Variants in WDR33 observed in about 807,000 individuals in gnomAD.
WDR33 encodes the protein pre-mRNA 3' end processing protein WDR33.
In WDR33, 47 loss-of-function variants were observed where a neutral mutation model predicts 164.9. The ratio of observed to expected loss-of-function variants is 0.29; its 90% CI spans 0.23 to 0.36. WDR33 has a LOEUF of 0.36. Ranked by LOEUF, WDR33 falls within the 10% of genes least tolerant of loss-of-function variation. The pLI is 1.00. For synonymous variants in WDR33, 505 were observed against 589.0 expected, an observed-to-expected ratio of 0.86 and a Z score of 2.06; for missense variants, 1,137 against 1,754.1, an observed-to-expected ratio of 0.65 and a Z score of 6.28.
intron 1 of WDR33, among the ~76,000 whole-genome samples, chr2:127,796,055 T>C (rs1355250979): frequency 6.7e-6 from 1 of 150,144 alleles, no homozygotes; most frequent in Non-Finnish European, 1.5e-5. Context: ...CAGGTATTAA[T>C]ATTAGGTGAT....
rs529395113 is a variant in WDR33 at position 127,720,566 on chromosome 2, T to C, written c.1672-213A>G. Among the ~76,000 whole-genome samples, 2 of 152,114 alleles carry C rather than the reference T, an allele frequency of 1.3e-5. No homozygotes were observed. Among genetic ancestry groups the C allele is most frequent in the South Asian group, 2.1e-4 (1 of 4,834 alleles). On this transcript the variant is annotated intron_variant, in intron 15 of 21. Coordinates refer to ENST00000322313, the MANE Select transcript of WDR33 (RefSeq NM_018383.5). The surrounding 1 kb of genome is among the most constrained non-coding windows in gnomAD (Gnocchi z 5.9). ...ATTCTTTTTAAGTCCTGGGACACAG[T>C]AGTAAGGATTTTTTTTTCCTTATTT...
In WDR33 at chr2:127,774,671, T is replaced by C. The variant is rs1038395802; in HGVS notation, c.-23-3667A>G. Among the ~76,000 whole-genome samples the C allele has an allele frequency of 1.7e-4, 26 of 151,838 alleles. No individual in the cohort carries two copies. In the Middle Eastern group the frequency reaches 0.014, roughly 79 times the overall value. ...GGTGAAACCCCGTCTCTACTAAAAA[T>C]ACAAAAAAATTAGCCAGGCGTGGTG... On this transcript the variant is annotated intron_variant, in intron 1 of 21. Coordinates refer to ENST00000322313, the MANE Select transcript of WDR33 (RefSeq NM_018383.5).
intron 18 of WDR33, among the ~76,000 whole-genome samples, chr2:127,711,526 G>C (rs1686161728): frequency 6.6e-6 from 1 of 150,672 alleles, no homozygotes; most frequent in African/African-American, 2.4e-5. Context: ...AGCTCTTCTA[G>C]TCATAAAAAG....
Position 127,720,271 on chromosome 2 carries a change from G to C in WDR33, c.1754C>G (p.Pro585Arg). Residue 585 changes from proline to arginine, a missense_variant, in exon 16 of 22, where the codon CCC becomes CGC. Physicochemically the swap from Pro to Arg is moderately radical, Grantham distance 103. Transcript: ENST00000322313. This position sits in a 1 kb window ranked among gnomAD's most constrained non-coding sequence, Gnocchi z 5.9. ...PPSSGTPLLG[P>R]QPFPGQGPMS... ...TGGACCTTGTCCTGGAAAAGGCTGG[G>C]GTCCGAGGAGAGGGGTGCCAGATGA... 1 of 1,544,412 alleles carries C rather than the reference G, an allele frequency of 6.5e-7. No individual in the cohort carries two copies. Among genetic ancestry groups the C allele is most frequent in the Non-Finnish European group, 8.7e-7 (1 of 1,145,198 alleles).
At chr2:127,730,153 T>C (rs188538337) in intron 7 of WDR33, among the ~76,000 whole-genome samples, 1 of 152,286 alleles carries the variant, frequency 6.6e-6, no homozygotes, top group East Asian at 1.9e-4. Context: ...GAAAATTCAA[T>C]TAAAAAAAAT....
At chr2:127,777,496 T>A (rs1434890217) in intron 1 of WDR33, among the ~76,000 whole-genome samples, 1 of 152,222 alleles carries the variant, frequency 6.6e-6, no homozygotes, top group Non-Finnish European at 1.5e-5. Context: ...GTAAAATGAG[T>A]TCCATGCCTC....
At chr2:127,736,422 G>T (rs2105396780) in intron 7 of WDR33, 1 of 985,398 alleles carries the variant, frequency 1.0e-6, no homozygotes, top group South Asian at 4.7e-5. Context: ...GCACAGAAGT[G>T]TTTTTCAAGT....
rs1685896617 is a variant in WDR33 at position 127,701,898 on chromosome 2, G to A, written c.*4425C>T. 2 of 1,455,704 alleles carry A rather than the reference G, an allele frequency of 1.4e-6. No individual in the cohort carries two copies. The highest frequency in any genetic ancestry group is 1.3e-5 in the South Asian group (1 of 77,160). The allele number at this position is 1,455,704 out of a possible 1,614,324, so 90.2% of individuals were successfully genotyped here. ...CTCGGCGCTGGCGTTGGCGGGAAGC[G>A]CGCTGCTGCGGGGCGGCGCGGCGTG... On this transcript the variant is annotated 3_prime_UTR_variant, in exon 22 of 22. Transcript: ENST00000322313.
At position 127,702,075 on chromosome 2, in the gene WDR33, G is replaced by A. The variant is rs569172015; in HGVS notation, c.*4248C>T. ...CGCGCAGGTGGCCGCGCTGCTGGCC[G>A]CGCTGGTTGGGCTGCTGCCCTGGGG... On this transcript the variant is annotated 3_prime_UTR_variant, in exon 22 of 22. Transcript: ENST00000322313. 2 of 1,222,364 alleles carry A rather than the reference G, an allele frequency of 1.6e-6. No homozygotes were observed. The highest frequency in any genetic ancestry group is 3.5e-5 in the South Asian group (1 of 28,470). 75.7% of individuals were successfully genotyped at this position (1,222,364 alleles called of 1,614,324 possible). A position where few individuals can be genotyped will look rare whatever the true frequency, so the allele number is the denominator to read the frequency against.
chr2:127,730,097 T>C (rs1018304489), intron 7 of WDR33, among the ~76,000 whole-genome samples: 3 of 152,196 alleles, frequency 2.0e-5, no homozygotes, highest in Admixed American at 2.0e-4. Flanking sequence ...TCACGACACA[T>C]AGTTTTGTAA....
rs1686123802 is a variant in WDR33 at position 127,710,117 on chromosome 2, A to AGG, written c.3309-262_3309-261insCC. ...AGGCTTTTAGGTATATACAAGTATT[A>AGG]CTTCATTTCATTCATTTCATTTTCA... On this transcript the variant is annotated intron_variant, in intron 18 of 21. Transcript: ENST00000322313. The surrounding 1 kb of genome is among the most constrained non-coding windows in gnomAD (Gnocchi z 4.4). 6.6e-6 allele frequency among the ~76,000 whole-genome samples: 1 copy of AGG among 152,234 alleles called. No individual in the cohort carries two copies. The highest frequency in any genetic ancestry group is 2.4e-5 in the African/African-American group (1 of 41,454).
intron 7 of WDR33, among the ~76,000 whole-genome samples, chr2:127,750,082 G>T (rs918733916): frequency 6.6e-6 from 1 of 152,112 alleles, no homozygotes; most frequent in Non-Finnish European, 1.5e-5. Context: ...TGAGTGCAGT[G>T]GCGAAATCTT....
At chr2:127,737,971 T>C (rs775826720) in intron 7 of WDR33, 9 of 1,606,310 alleles carry the variant, frequency 5.6e-6, no homozygotes, top group Admixed American at 1.7e-5. Context: ...AGTTGGTAAA[T>C]GTGGCTCCCT....
rs1686242466 is a variant in WDR33, at chr2:127,714,006, G to A, written c.2885C>T (p.Pro962Leu). Reference protein sequence around the residue: ...PGPNKGDSRGPPNHHMGPMSE... With the variant: ...PGPNKGDSRGLPNHHMGPMSE... Reference sequence around the variant, plus strand: ...CATCGGGCCCATGTGATGGTTTGGAGGGCCGCGGGAGTCACCTAAAGGAAA... The same window carrying A: ...CATCGGGCCCATGTGATGGTTTGGAAGGCCGCGGGAGTCACCTAAAGGAAA... Residue 962 changes from proline (P) to leucine (L), a missense_variant, in exon 18 of 22, where the codon CCT becomes CTT. This residue lies in a region of WDR33 where 867 missense variants were observed against 1,073.0 expected (regional missense o/e 0.81). Coordinates refer to ENST00000322313, the MANE Select transcript of WDR33 (RefSeq NM_018383.5). This position sits in a 1 kb window ranked among gnomAD's most constrained non-coding sequence, Gnocchi z 4.3. 2.6e-6 allele frequency: 4 copies of A among 1,523,026 alleles called. No homozygotes were observed. Among genetic ancestry groups the A allele is most frequent in the Non-Finnish European group, 3.5e-6 (4 of 1,140,954 alleles). The allele number at this position is 1,523,026 out of a possible 1,614,324, so 94.3% of individuals were successfully genotyped here. A position where few individuals can be genotyped will look rare whatever the true frequency, so the allele number is the denominator to read the frequency against.
rs1176704765 is a variant in WDR33, at chr2:127,735,067, G to A, written c.725-8290C>T. Reference sequence around the variant, plus strand: ...TTTGGTGAACAGACATTCTAGACTTGCTTTGTAGATAGTGAAGACTTCTTG... The same window carrying A: ...TTTGGTGAACAGACATTCTAGACTTACTTTGTAGATAGTGAAGACTTCTTG... On this transcript the variant is annotated intron_variant, in intron 7 of 21. Coordinates refer to ENST00000322313, the MANE Select transcript of WDR33 (RefSeq NM_018383.5). This position sits in a 1 kb window ranked among gnomAD's most constrained non-coding sequence, Gnocchi z 4.3. Among the ~76,000 whole-genome samples the A allele has an allele frequency of 6.6e-6, 1 of 152,196 alleles. No homozygotes were observed. The highest frequency in any genetic ancestry group is 2.4e-5 in the African/African-American group (1 of 41,450).
In WDR33 at chr2:127,776,767, G is replaced by A. The variant is rs934365797; in HGVS notation, c.-23-5763C>T. ...TCTGAGAGCAGAAAACTTGACATGT[G>A]AGGCTGAAAAGTTATTGACCACGAC... On this transcript the variant is annotated intron_variant, in intron 1 of 21. Transcript: ENST00000322313. Among the ~76,000 whole-genome samples the A allele has an allele frequency of 4.7e-4, 71 of 152,204 alleles. 2 individuals are homozygous for A. The highest frequency in any genetic ancestry group is 2.9e-5 in the Non-Finnish European group (2 of 68,032).
At chr2:127,753,369 T>TAC (rs1687427638) in intron 7 of WDR33, among the ~76,000 whole-genome samples, 1 of 152,254 alleles carries the variant, frequency 6.6e-6, no homozygotes, top group Non-Finnish European at 1.5e-5. Flanking sequence ...AGCCTATATA[T>TAC]ACTACTGTCA....
intron 1 of WDR33, among the ~76,000 whole-genome samples, chr2:127,808,369 C>G (rs916876966): frequency 1.1e-4 from 16 of 152,182 alleles, no homozygotes; most frequent in Non-Finnish European, 1.9e-4. Context: ...TGCTGAAACC[C>G]ATACATGCCC....
intron 1 of WDR33, among the ~76,000 whole-genome samples, chr2:127,792,992 A>G (rs1205935848): frequency 2.0e-5 from 3 of 150,990 alleles, no homozygotes; most frequent in African/African-American, 7.4e-5. Flanking sequence ...TGCCTCTGGG[A>G]AAAAAAATTA....
Sources: gnomAD v4.1 joint callset for allele counts (sites outside exome capture counted in the v4.1 genomes callset) on GRCh38, gnomAD v4.1.1 for gene constraint, gnomAD v4.1.1 regional missense constraint, Gnocchi (gnomAD v3.1) non-coding constraint, MANE v1.5 for transcripts, NCBI Gene and HGNC (gene_info 2026-07-23, HGNC 2026-07-21) for gene names.